Variants in BANK1 observed in about 807,000 individuals in gnomAD.
BANK1 encodes the protein B cell scaffold protein with ankyrin repeats 1, also known as B-cell scaffold protein with ankyrin repeats.
A neutral mutation model predicts 94.5 loss-of-function variants in BANK1; 95 were observed. The observed-to-expected ratio is 1.00, with a 90% CI of 0.85 to 1.19. The LOEUF (loss-of-function observed/expected upper bound fraction) is 1.19, where lower values mean the gene tolerates loss of function less well. Ranked by LOEUF, BANK1 falls within the 50% of genes most tolerant of loss-of-function variation. BANK1 has a pLI of 0.00. For synonymous variants in BANK1, 334 were observed against 308.4 expected, an observed-to-expected ratio of 1.08 and a Z score of -0.87; for missense variants, 987 against 932.2, an observed-to-expected ratio of 1.06 and a Z score of -0.77.
intron 7 of BANK1, among the ~76,000 whole-genome samples, chr4:101,940,877 C>T (rs1723719882): frequency 6.6e-6 from 1 of 151,688 alleles, no homozygotes; most frequent in Non-Finnish European, 1.5e-5. Flanking sequence ...ATTCCCCCTC[C>T]TCTAACCTTT....
At chr4:102,073,901 G>A in intron 16 of BANK1, 104 bp from the exon 17 acceptor site, 1 of 569,726 alleles carries the variant, frequency 1.8e-6, no homozygotes. Context: ...AAAGGTGATT[G>A]CTCTGTAGAA....
At chr4:101,878,751 A>G (rs1274238346) in intron 5 of BANK1, among the ~76,000 whole-genome samples, 1 of 152,170 alleles carries the variant, frequency 6.6e-6, no homozygotes, top group East Asian at 1.9e-4. Flanking sequence ...AGTATCAAAC[A>G]TTTTCTCTGA....
chr4:102,066,713 GA>G (rs1300962918), intron 13 of BANK1, among the ~76,000 whole-genome samples: 1 of 152,166 alleles, frequency 6.6e-6, no homozygotes, highest in Non-Finnish European at 1.5e-5. Context: ...CATACAAGGT[GA>G]AGGGATATTA....
intron 1 of BANK1, among the ~76,000 whole-genome samples, chr4:101,797,208 G>A (rs1332029443): frequency 6.6e-6 from 1 of 152,104 alleles, no homozygotes; most frequent in African/African-American, 2.4e-5. Flanking sequence ...ATAAAGTTCA[G>A]ATGTGATCAA....
chr4:101,845,208 C>G (rs1334352003), intron 2 of BANK1, among the ~76,000 whole-genome samples: 3 of 151,544 alleles, frequency 2.0e-5, no homozygotes, highest in Non-Finnish European at 2.9e-5. Context: ...CTCACATACC[C>G]CATAAATATA....
intron 7 of BANK1, among the ~76,000 whole-genome samples, chr4:101,984,642 T>C (rs1725425627): frequency 6.6e-6 from 1 of 152,068 alleles, no homozygotes. Context: ...AGACAGAATT[T>C]CAATTAGATC....
chr4:102,065,207 A>G (rs750595122), intron 13 of BANK1, among the ~76,000 whole-genome samples: 10 of 152,160 alleles, frequency 6.6e-5, no homozygotes, highest in Non-Finnish European at 1.0e-4. Flanking sequence ...CACCCAAAAG[A>G]TGTAATGAGT....
In BANK1 at chr4:101,790,810, C is replaced by T; in HGVS notation, c.-71C>T. 6.8e-7 allele frequency: 1 copy of T among 1,462,908 alleles called. No homozygotes were observed. The allele number at this position is 1,462,908 out of a possible 1,614,324, so 90.6% of individuals were successfully genotyped here. A position where few individuals can be genotyped will look rare whatever the true frequency, so the allele number is the denominator to read the frequency against. On this transcript the variant is annotated 5_prime_UTR_variant, in exon 1 of 17. Transcript: ENST00000322953. ...AAAGGAAGAGAAAATCGCGGGGAGT[C>T]TCTGGCCGGGAGAGTCCAGGTAGCG...
At chr4:101,937,021 T>C (rs1466464183) in intron 7 of BANK1, among the ~76,000 whole-genome samples, 1 of 151,614 alleles carries the variant, frequency 6.6e-6, no homozygotes. Context: ...GCAGTACTGT[T>C]CACAATAGCC....
Position 101,795,847 on chromosome 4 carries a change from A to T in BANK1, c.70+4897A>T, listed in dbSNP as rs182944504. On this transcript the variant is annotated intron_variant, in intron 1 of 16. Coordinates refer to ENST00000322953, the MANE Select transcript of BANK1 (RefSeq NM_017935.5). ...TAAATCAAGTAGAATGAGGACAATT[A>T]TTCAGATTCCCAGAAACAGTCACCT... Among the ~76,000 whole-genome samples, 428 of 152,336 alleles carry T rather than the reference A, an allele frequency of 2.8e-3. 3 individuals carry two copies. Among genetic ancestry groups the T allele is most frequent in the South Asian group, 7.0e-3 (34 of 4,826 alleles).
intron 10 of BANK1, among the ~76,000 whole-genome samples, chr4:102,031,924 T>A (rs536910017): frequency 8.4e-4 from 127 of 151,506 alleles, no homozygotes; most frequent in African/African-American, 2.9e-3. Context: ...CTTCTCTTGA[T>A]ATTGTTCAAG....
chr4:102,071,256 G>C lies in BANK1; in HGVS notation c.2213-19G>C, dbSNP rs1370824364. 6.2e-7 allele frequency: 1 copy of C among 1,612,498 alleles called. No individual in the cohort carries two copies. The highest frequency in any genetic ancestry group is 8.5e-7 in the Non-Finnish European group (1 of 1,178,828). On this transcript the variant is annotated intron_variant, in intron 13 of 16. Coordinates refer to ENST00000322953, the MANE Select transcript of BANK1 (RefSeq NM_017935.5). ...TATTGAACAAAACTCAGTAGAACAT[G>C]CTTTTTTTTGTCTTCCAGATAAACT...
At chr4:102,007,322 C>T (rs572745665) in intron 7 of BANK1, among the ~76,000 whole-genome samples, 68 of 150,310 alleles carry the variant, frequency 4.5e-4, no homozygotes, top group Middle Eastern at 3.4e-3. Context: ...AGCAAATGAG[C>T]ATCAGTAGGC....
chr4:101,926,873 G>A (rs1723170426), intron 7 of BANK1, among the ~76,000 whole-genome samples: 1 of 151,844 alleles, frequency 6.6e-6, no homozygotes, highest in Admixed American at 6.6e-5. Flanking sequence ...GTAGGATGTG[G>A]ATATCCACAA....
At chr4:102,069,321 T>A (rs1427984222) in intron 13 of BANK1, among the ~76,000 whole-genome samples, 1 of 152,174 alleles carries the variant, frequency 6.6e-6, no homozygotes, top group Non-Finnish European at 1.5e-5. Context: ...AAGGAGCACA[T>A]CTAGTACCCA....
chr4:101,828,058 G>A (rs1244854294), intron 1 of BANK1, among the ~76,000 whole-genome samples: 1 of 151,428 alleles, frequency 6.6e-6, no homozygotes, highest in Non-Finnish European at 1.5e-5. Context: ...ATAAACACAT[G>A]CACACTATTG....
At chr4:102,027,546 T>C (rs1427804128) in intron 9 of BANK1, among the ~76,000 whole-genome samples, 9 of 152,162 alleles carry the variant, frequency 5.9e-5, no homozygotes, top group Non-Finnish European at 5.9e-5. Context: ...GGCCTTTAAA[T>C]GCAAGGCTGT....
intron 7 of BANK1, among the ~76,000 whole-genome samples, chr4:101,990,761 T>C (rs528226496): frequency 6.6e-6 from 1 of 152,300 alleles, no homozygotes; most frequent in Admixed American, 6.5e-5. Context: ...TTTTGAAACA[T>C]TCAACATCAT....
intron 2 of BANK1, among the ~76,000 whole-genome samples, chr4:101,843,201 T>C (rs17031708): frequency 0.16 from 24,032 of 152,150 alleles, 2,073 homozygotes; most frequent in Middle Eastern, 0.21. Flanking sequence ...GTACACCTAC[T>C]TTCCCCTTTG....
Sources: gnomAD v4.1 joint callset for allele counts (sites outside exome capture counted in the v4.1 genomes callset) on GRCh38, gnomAD v4.1.1 for gene constraint, MANE v1.5 for transcripts, NCBI Gene and HGNC (gene_info 2026-07-23, HGNC 2026-07-21) for gene names.